The following ACSM1 variants were observed in gnomAD, a reference collection of about 807,000 sequenced individuals.
ACSM1 encodes acyl-CoA synthetase medium chain family member 1.
ACSM1 carries 79 observed loss-of-function variants against 75.8 expected under a neutral mutation model. The observed-to-expected ratio is 1.04, with a 90% CI of 0.87 to 1.26. ACSM1 has a LOEUF of 1.26. ACSM1 is among the 50% of genes most tolerant of loss of function. ACSM1 has a pLI of 0.00. For synonymous variants in ACSM1, 279 were observed against 265.8 expected, an observed-to-expected ratio of 1.05 and a Z score of -0.48; for missense variants, 676 against 720.1, an observed-to-expected ratio of 0.94 and a Z score of 0.70.
At chr16:20,694,657 A>G (rs918115780) in intron 1 of ACSM1, among the ~76,000 whole-genome samples, 2 of 152,200 alleles carry the variant, frequency 1.3e-5, no homozygotes, top group Non-Finnish European at 2.9e-5. Flanking sequence ...AGACCAAAAC[A>G]AAAGGGAGAG....
chr16:20,631,155 A>C (rs1156731468), intron 10 of ACSM1, among the ~76,000 whole-genome samples: 1 of 152,210 alleles, frequency 6.6e-6, no homozygotes, highest in East Asian at 1.9e-4. Flanking sequence ...GGAATGCAAG[A>C]TCAAGTCACC....
At chr16:20,678,304 A>T (rs950897039) in intron 4 of ACSM1, among the ~76,000 whole-genome samples, 2 of 152,190 alleles carry the variant, frequency 1.3e-5, no homozygotes, top group Non-Finnish European at 2.9e-5. Context: ...AACACACAAA[A>T]AAACAGCACT....
intron 8 of ACSM1, among the ~76,000 whole-genome samples, chr16:20,638,263 G>C (rs754105078): frequency 1.3e-5 from 2 of 152,152 alleles, no homozygotes; most frequent in African/African-American, 2.4e-5. Flanking sequence ...TAAGCATATG[G>C]AAAATTCTGC....
chr16:20,630,123 T>TG (rs199560374), intron 10 of ACSM1, among the ~76,000 whole-genome samples: 2 of 124,996 alleles, frequency 1.6e-5, no homozygotes, highest in African/African-American at 5.3e-5. Context: ...AAAAACTTGT[T>TG]TTTTTTTTTT....
intron 1 of ACSM1, among the ~76,000 whole-genome samples, chr16:20,692,899 A>C (rs183816968): frequency 1.3e-5 from 2 of 152,094 alleles, no homozygotes; most frequent in Non-Finnish European, 2.9e-5. Flanking sequence ...GGCCAGGCAC[A>C]GTGGCTCATG....
chr16:20,693,594 C>T (rs933677045), intron 1 of ACSM1, among the ~76,000 whole-genome samples: 1 of 152,134 alleles, frequency 6.6e-6, no homozygotes, highest in African/African-American at 2.4e-5. Context: ...CTAGTAATGG[C>T]CAGTGATGCT....
intron 1 of ACSM1, 115 bp from the exon 2 acceptor site, chr16:20,691,354 T>G (rs2079650100): frequency 3.6e-6 from 2 of 552,060 alleles, no homozygotes; most frequent in Middle Eastern, 4.7e-4. Flanking sequence ...CACCAGAATT[T>G]GGAAGGCACC....
intron 10 of ACSM1, among the ~76,000 whole-genome samples, chr16:20,636,007 C>A (rs1464370473): frequency 6.6e-6 from 1 of 152,162 alleles, no homozygotes; most frequent in African/African-American, 2.4e-5. Context: ...CTGTATGTTC[C>A]CCTTTGGTCA....
chr16:20,656,682 A>C (rs774001986), intron 7 of ACSM1, among the ~76,000 whole-genome samples: 1 of 152,192 alleles, frequency 6.6e-6, no homozygotes. Context: ...AAGGAAGCCA[A>C]TATGATGGTA....
intron 5 of ACSM1, among the ~76,000 whole-genome samples, chr16:20,670,528 A>C (rs1319633408): frequency 6.6e-6 from 1 of 152,070 alleles, no homozygotes; most frequent in Non-Finnish European, 1.5e-5. Flanking sequence ...ATTTGATCAG[A>C]TCTCCTCCTC....
intron 6 of ACSM1, 122 bp downstream of exon 6, chr16:20,669,705 A>T: frequency 2.0e-6 from 2 of 975,802 alleles, no homozygotes; most frequent in Non-Finnish European, 3.0e-6. Flanking sequence ...TGAGAAGCCC[A>T]GGCTCAGGAT....
chr16:20,681,889 T>C (rs1290103715), intron 4 of ACSM1: 1 of 170,216 alleles, frequency 5.9e-6, no homozygotes, highest in African/African-American at 2.4e-5. Flanking sequence ...TTCCCAGGCA[T>C]TGTGAAGACC....
At chr16:20,633,755 C>T (rs907518396) in intron 10 of ACSM1, among the ~76,000 whole-genome samples, 3 of 152,038 alleles carry the variant, frequency 2.0e-5, no homozygotes, top group East Asian at 1.9e-4. Context: ...AAAGGCCAGG[C>T]GCGGTAGCTC....
intron 10 of ACSM1, 74 bp downstream of exon 10, chr16:20,636,665 G>A (rs1430023415): frequency 4.7e-6 from 5 of 1,061,354 alleles, no homozygotes; most frequent in East Asian, 2.4e-5. Context: ...AAGAGGACTT[G>A]AAGAAGCCTC....
At chr16:20,644,547 ACACAC>A (rs1192512433) in intron 7 of ACSM1, among the ~76,000 whole-genome samples, 1 of 123,370 alleles carries the variant, frequency 8.1e-6, no homozygotes, top group Non-Finnish European at 1.8e-5. Flanking sequence ...GAACACACAC[ACACAC>A]ACACACACAC....
chr16:20,639,366 C>G (rs13339208), intron 8 of ACSM1, among the ~76,000 whole-genome samples: 1 of 152,178 alleles, frequency 6.6e-6, no homozygotes, highest in African/African-American at 2.4e-5. Context: ...GTCAAACCTG[C>G]GAGTTGTCCT....
chr16:20,624,822 G>C lies in ACSM1; in HGVS notation c.1527+601C>G, dbSNP rs929040007. 2.0e-5 allele frequency among the ~76,000 whole-genome samples: 3 copies of C among 152,084 alleles called. No individual in the cohort carries two copies. In the South Asian group the frequency reaches 6.2e-4, roughly 32 times the overall value. On this transcript the variant is annotated intron_variant, in intron 12 of 13. Transcript: ENST00000520010. ...CGATTCTCCTGCCTCAGCCTCTCAA[G>C]TAGCTGGGACTACAGGCGCCCACCC...
intron 7 of ACSM1, among the ~76,000 whole-genome samples, chr16:20,645,296 T>C (rs1337336661): frequency 6.6e-6 from 1 of 152,206 alleles, no homozygotes; most frequent in East Asian, 1.9e-4. Flanking sequence ...CTATAGAGGA[T>C]GCTCTAGGAC....
Position 20,636,837 on chromosome 16 carries a change from T to C in ACSM1, c.1201A>G (p.Ile401Val), listed in dbSNP as rs774960926. 1 of 1,613,430 alleles carries C rather than the reference T, an allele frequency of 6.2e-7. No homozygotes were observed. Among genetic ancestry groups the C allele is most frequent in the Non-Finnish European group, 8.5e-7 (1 of 1,179,668 alleles). The change falls in exon 10 of 14, where the codon ATT (isoleucine) becomes GTT (valine). Residue 401 changes from isoleucine (I) to valine (V), a missense_variant. Physicochemically the swap from Ile to Val is conservative, Grantham distance 29 (BLOSUM62 3). Coordinates refer to ENST00000520010, the MANE Select transcript of ACSM1 (RefSeq NM_001318890.3). ...GGCAGGATGCTGCCCTTGTCATCAA[T>C]GACCTGTAGCAAGAGGCCTGTGAAT... ...KATPPYDVQVIDDKGSILPPN... is the reference protein window; with the variant it reads ...KATPPYDVQVVDDKGSILPPN...
Sources: allele counts gnomAD v4.1 joint callset (sites outside exome capture counted in the v4.1 genomes callset), GRCh38; gene constraint gnomAD v4.1.1; transcripts MANE v1.5; gene names NCBI Gene and HGNC (gene_info 2026-07-23, HGNC 2026-07-21).